ZNF385D: variants seen among roughly 807,000 people sequenced by gnomAD.
ZNF385D encodes zinc finger protein 385D.
A neutral mutation model predicts 35.8 loss-of-function variants in ZNF385D; 15 were observed. That is an observed-to-expected ratio of 0.42 (90% CI 0.28 to 0.64). The LOEUF is 0.64. ZNF385D is among the 30% of genes least tolerant of loss of function. The pLI, the probability that ZNF385D is intolerant of heterozygous loss-of-function variation, is 0.23. For missense variants in ZNF385D, 474 were observed against 494.6 expected, an observed-to-expected ratio of 0.96 and a Z score of 0.39; for synonymous variants, 212 against 186.8, an observed-to-expected ratio of 1.13 and a Z score of -1.10.
At chr3:21,537,218 C>T (rs1011153383) in intron 3 of ZNF385D, among the ~76,000 whole-genome samples, 3 of 150,432 alleles carry the variant, frequency 2.0e-5, no homozygotes, top group Admixed American at 6.6e-5. Flanking sequence ...CTGCAACCTC[C>T]GCCTCCTGGG....
intron 2 of ZNF385D, among the ~76,000 whole-genome samples, chr3:21,636,413 T>TAGAGAGAG (rs1553628039): frequency 7.8e-5 from 2 of 25,632 alleles, no homozygotes; most frequent in East Asian, 6.3e-4. Context: ...TATATATATA[T>TAGAGAGAG]AGAGTTTCTT....
intron 4 of ZNF385D, among the ~76,000 whole-genome samples, chr3:21,445,216 G>A (rs1350497032): frequency 6.6e-6 from 1 of 152,114 alleles, no homozygotes; most frequent in African/African-American, 2.4e-5. Flanking sequence ...ATTCTCTCTA[G>A]ACAATGGGTC....
At chr3:21,899,440 A>G (rs771528797) in intron 3 of ZNF385D, among the ~76,000 whole-genome samples, 2 of 152,198 alleles carry the variant, frequency 1.3e-5, no homozygotes, top group Non-Finnish European at 2.9e-5. Flanking sequence ...CTTGTTAAGC[A>G]CACATTACTG....
At chr3:22,173,923 A>G (rs1694638920) in intron 2 of ZNF385D, among the ~76,000 whole-genome samples, 2 of 152,102 alleles carry the variant, frequency 1.3e-5, no homozygotes, top group African/African-American at 4.8e-5. Context: ...TTCCTTCTGA[A>G]TAACTGGGCT....
Position 22,142,709 on chromosome 3 carries a change from G to T in ZNF385D, c.325+26108C>A, listed in dbSNP as rs181050503. ...AGCAGGTGATGAGTGCAGGAAAGAC[G>T]AATGAGATCAATGAGGTTACTAACC... On this transcript the variant is annotated intron_variant, in intron 3 of 5. Coordinates refer to the ZNF385D transcript ENST00000494108. Among the ~76,000 whole-genome samples, 359 of 152,082 alleles carry T rather than the reference G, an allele frequency of 2.4e-3. 3 individuals carry two copies. Among genetic ancestry groups the T allele is most frequent in the Non-Finnish European group, 3.4e-3 (233 of 67,982 alleles).
intron 4 of ZNF385D, chr3:21,443,283 G>A (rs1189165355): frequency 1.0e-6 from 1 of 985,350 alleles, no homozygotes; most frequent in African/African-American, 1.7e-5. Flanking sequence ...ATTCAGGTGA[G>A]GGGATTCTTT....
At chr3:21,431,095 T>C (rs921489938) in intron 5 of ZNF385D, 1 of 152,186 alleles carries the variant, frequency 6.6e-6, no homozygotes, top group Non-Finnish European at 1.5e-5. Flanking sequence ...ATGTATACTT[T>C]CAGAAATTTT....
At position 21,664,920 on chromosome 3, in the gene ZNF385D, G is replaced by T; in HGVS notation, c.131C>A (p.Ala44Glu). 1 of 1,613,788 alleles carries T rather than the reference G, an allele frequency of 6.2e-7. No homozygotes were observed. The highest frequency in any genetic ancestry group is 8.5e-7 in the Non-Finnish European group (1 of 1,179,736). Residue 44 changes from alanine to glutamate, a missense_variant, in exon 2 of 8, where the codon GCA (alanine) becomes GAA (glutamate). Ala to Glu is a moderately radical substitution (Grantham distance 107). Coordinates refer to ENST00000281523, the MANE Select transcript of ZNF385D (RefSeq NM_024697.3). ...ATTGGGGAAGAGGTTGACTGCAGCT[G>T]CAGTGTCAAGAGGAAAGGGAAGAAA... ...KPFLPFPLDT[A>E]AAVNLFPNFN...
At chr3:21,689,886 CAA>C (rs5847127) in intron 1 of ZNF385D, among the ~76,000 whole-genome samples, 90,621 of 143,786 alleles carry the variant, frequency 0.63, 28,188 homozygotes, top group Non-Finnish European at 0.66. Flanking sequence ...CGAAAAATTG[CAA>C]AAAAAAAAAA....
At chr3:22,275,659 T>A (rs1474356465) in intron 2 of ZNF385D, among the ~76,000 whole-genome samples, 1 of 152,150 alleles carries the variant, frequency 6.6e-6, no homozygotes, top group Non-Finnish European at 1.5e-5. Context: ...AAGCCAATAA[T>A]CATATTTTTA....
intron 3 of ZNF385D, among the ~76,000 whole-genome samples, chr3:21,942,196 T>A (rs1170914461): frequency 6.6e-6 from 1 of 152,204 alleles, no homozygotes; most frequent in African/African-American, 2.4e-5. Context: ...ACATTTTAAT[T>A]TTTAGAGAAA....
At chr3:21,731,296 T>C (rs1033211419) in intron 1 of ZNF385D, among the ~76,000 whole-genome samples, 1 of 152,220 alleles carries the variant, frequency 6.6e-6, no homozygotes, top group Non-Finnish European at 1.5e-5. Flanking sequence ...TGGCAATGCA[T>C]ATTTCTTTAT....
At chr3:22,008,523 A>T (rs1320843199) in intron 3 of ZNF385D, among the ~76,000 whole-genome samples, 1 of 151,850 alleles carries the variant, frequency 6.6e-6, no homozygotes, top group Non-Finnish European at 1.5e-5. Flanking sequence ...CTCCCTGCTA[A>T]TTTTTTGTAT....
intron 2 of ZNF385D, among the ~76,000 whole-genome samples, chr3:22,261,555 C>T (rs1393808915): frequency 6.6e-6 from 1 of 151,976 alleles, no homozygotes; most frequent in Admixed American, 6.6e-5. Context: ...CCATCCGTCC[C>T]TATCCTGCTC....
At chr3:22,164,937 T>TA (rs1294083269) in intron 3 of ZNF385D, among the ~76,000 whole-genome samples, 2 of 152,186 alleles carry the variant, frequency 1.3e-5, no homozygotes, top group African/African-American at 4.8e-5. Context: ...TAGTATGTAA[T>TA]TCAAACTTTA....
chr3:21,513,042 T>C (rs1707325065), intron 3 of ZNF385D, among the ~76,000 whole-genome samples: 1 of 152,062 alleles, frequency 6.6e-6, no homozygotes, highest in Non-Finnish European at 1.5e-5. Flanking sequence ...CACTTATACC[T>C]CCAAAATAGA....
chr3:22,277,579 A>T (rs998185052), intron 2 of ZNF385D, among the ~76,000 whole-genome samples: 1 of 152,176 alleles, frequency 6.6e-6, no homozygotes, highest in Non-Finnish European at 1.5e-5. Context: ...TCATGCTATT[A>T]TAAGACTCTA....
intron 2 of ZNF385D, among the ~76,000 whole-genome samples, chr3:21,663,910 TATATA>T (rs1289591299): frequency 3.4e-4 from 43 of 125,134 alleles, no homozygotes; most frequent in African/African-American, 9.6e-4. Flanking sequence ...TATATATATA[TATATA>T]TATTTATTTA....
intron 2 of ZNF385D, among the ~76,000 whole-genome samples, chr3:22,345,844 C>T (rs1390214236): frequency 6.6e-6 from 1 of 152,196 alleles, no homozygotes; most frequent in Non-Finnish European, 1.5e-5. Flanking sequence ...CATGCAATGA[C>T]TGGTCAACAT....
Sources: allele counts gnomAD v4.1 joint callset (sites outside exome capture counted in the v4.1 genomes callset), GRCh38; gene constraint gnomAD v4.1.1; transcripts MANE v1.5; gene names NCBI Gene and HGNC (gene_info 2026-07-23, HGNC 2026-07-21).